Variants in PAAF1 observed in about 807,000 individuals in gnomAD.
PAAF1 encodes proteasomal ATPase associated factor 1.
A neutral mutation model predicts 52.8 loss-of-function variants in PAAF1; 46 were observed. The observed-to-expected ratio is 0.87, with a 90% confidence interval of 0.69 to 1.11. The LOEUF (loss-of-function observed/expected upper bound fraction) is 1.11. PAAF1 is among the 50% of genes most tolerant of loss of function. The pLI is 0.00. For synonymous variants in PAAF1, 178 were observed against 172.8 expected, an observed-to-expected ratio of 1.03 and a Z score of -0.24; for missense variants, 424 against 477.4, an observed-to-expected ratio of 0.89 and a Z score of 1.04.
At chr11:73,910,586 C>T (rs1036772812) in intron 7 of PAAF1, among the ~76,000 whole-genome samples, 1 of 152,158 alleles carries the variant, frequency 6.6e-6, no homozygotes, top group Non-Finnish European at 1.5e-5. Flanking sequence ...ATAATAGTTG[C>T]ATCTCTGTTC....
chr11:73,916,910 T>C (rs966732293), intron 9 of PAAF1, among the ~76,000 whole-genome samples: 2 of 152,000 alleles, frequency 1.3e-5, no homozygotes, highest in Non-Finnish European at 2.9e-5. Context: ...AAATATAAAC[T>C]AACATTTCAT....
chr11:73,917,238 C>T (rs889662491), intron 9 of PAAF1, among the ~76,000 whole-genome samples: 4 of 152,072 alleles, frequency 2.6e-5, no homozygotes, highest in African/African-American at 9.7e-5. Flanking sequence ...TCAGGCTGAT[C>T]TCGAATTCCT....
At chr11:73,913,987 CTG>C (rs1949999014) in intron 7 of PAAF1, among the ~76,000 whole-genome samples, 1 of 152,072 alleles carries the variant, frequency 6.6e-6, no homozygotes, top group South Asian at 2.1e-4. Context: ...GGATTCAAGA[CTG>C]TGGGGTGCTA....
chr11:73,904,715 A>G (rs1949714074), intron 6 of PAAF1, among the ~76,000 whole-genome samples: 1 of 152,106 alleles, frequency 6.6e-6, no homozygotes, highest in African/African-American at 2.4e-5. Context: ...GCAACATTAA[A>G]ACAGCTTAAT....
At chr11:73,912,708 T>G (rs2135208430) in intron 7 of PAAF1, among the ~76,000 whole-genome samples, 1 of 152,294 alleles carries the variant, frequency 6.6e-6, no homozygotes, top group South Asian at 2.1e-4. Flanking sequence ...ATAAATATGT[T>G]GAAATCCTAA....
intron 8 of PAAF1, among the ~76,000 whole-genome samples, chr11:73,914,859 C>A (rs1005554206): frequency 6.6e-6 from 1 of 151,892 alleles, no homozygotes; most frequent in African/African-American, 2.4e-5. Flanking sequence ...AAGCCCACCA[C>A]CATGCCTGGC....
rs185819755 is a variant in PAAF1, at chr11:73,920,454, C to T, written c.1018+1422C>T. ...GCTGAGGTGGGAGGATCACTTGAAT[C>T]TAGGAGGTGAGGCTGCAGTGAGCCA... On this transcript the variant is annotated intron_variant, in intron 10 of 11. Transcript: ENST00000310571. 1.2e-3 allele frequency among the ~76,000 whole-genome samples: 189 copies of T among 152,138 alleles called. No individual in the cohort carries two copies. The Middle Eastern group carries it at 0.017, about 14-fold the overall frequency.
intron 10 of PAAF1, among the ~76,000 whole-genome samples, chr11:73,920,705 T>C (rs189690610): frequency 6.7e-6 from 1 of 148,988 alleles, no homozygotes; most frequent in East Asian, 2.0e-4. Flanking sequence ...ATACAGAAAT[T>C]AGCTGGCATG....
In PAAF1 at chr11:73,930,391, A is replaced by T. The variant is rs1028954417; in HGVS notation, c.*3029A>T. 1 of 151,120 alleles carries T rather than the reference A, an allele frequency of 6.6e-6. No individual in the cohort carries two copies. Among genetic ancestry groups the T allele is most frequent in the African/African-American group, 2.4e-5 (1 of 41,094 alleles). 9.4% of individuals were successfully genotyped at this position (151,120 alleles called of 1,614,324 possible). ...TCTCAAGAAAAAAAAAAAGAAAAAA[A>T]GAAAACAGGAAGAAATGTTGTCATT... On this transcript the variant is annotated 3_prime_UTR_variant, in exon 12 of 12. Coordinates refer to ENST00000310571, the MANE Select transcript of PAAF1 (RefSeq NM_025155.3).
chr11:73,912,382 C>T (rs1032641367), intron 7 of PAAF1, among the ~76,000 whole-genome samples: 10 of 152,134 alleles, frequency 6.6e-5, no homozygotes, highest in African/African-American at 1.2e-4. Flanking sequence ...AAGATGGCAC[C>T]GCTATCTACC....
At chr11:73,884,457 T>C (rs977078566) in intron 2 of PAAF1, among the ~76,000 whole-genome samples, 1 of 152,126 alleles carries the variant, frequency 6.6e-6, no homozygotes, top group African/African-American at 2.4e-5. Context: ...ATCATACCAC[T>C]GCACTCCAGC....
intron 4 of PAAF1, among the ~76,000 whole-genome samples, chr11:73,894,810 C>T (rs1345928746): frequency 1.3e-5 from 2 of 152,052 alleles, no homozygotes; most frequent in Non-Finnish European, 2.9e-5. Flanking sequence ...TGTTACTGAG[C>T]AAGACTCTGT....
chr11:73,917,019 TA>T (rs1194970598), intron 9 of PAAF1, among the ~76,000 whole-genome samples: 1 of 152,106 alleles, frequency 6.6e-6, no homozygotes, highest in Non-Finnish European at 1.5e-5. Context: ...GAATTATTTT[TA>T]TTTATTTATT....
intron 10 of PAAF1, chr11:73,921,602 C>T (rs983045053): frequency 3.1e-6 from 2 of 644,100 alleles, no homozygotes; most frequent in South Asian, 1.4e-5. Context: ...ATTCGTATAT[C>T]TTGCTGGAAA....
intron 8 of PAAF1, among the ~76,000 whole-genome samples, chr11:73,915,565 G>A (rs7115579): frequency 0.026 from 3,950 of 152,250 alleles, 177 homozygotes; most frequent in African/African-American, 0.09. Flanking sequence ...CCAAGATTGC[G>A]CCACTGTACT....
chr11:73,902,417 T>A (rs1196467924), intron 6 of PAAF1, among the ~76,000 whole-genome samples: 1 of 152,084 alleles, frequency 6.6e-6, no homozygotes, highest in African/African-American at 2.4e-5. Flanking sequence ...GCCAAAGTAG[T>A]CTAGAGGAAC....
chr11:73,911,622 CT>C (rs781166373), intron 7 of PAAF1, among the ~76,000 whole-genome samples: 95 of 120,504 alleles, frequency 7.9e-4, no homozygotes, highest in East Asian at 1.7e-3. Context: ...AGTGACCTTC[CT>C]TTTTTTTTTT....
chr11:73,903,569 G>C (rs1485192598), intron 6 of PAAF1, among the ~76,000 whole-genome samples: 3 of 150,120 alleles, frequency 2.0e-5, no homozygotes, highest in African/African-American at 7.4e-5. Flanking sequence ...ATACAAAAAT[G>C]AGCTGGGTGT....
intron 2 of PAAF1, among the ~76,000 whole-genome samples, chr11:73,886,615 G>A (rs949120144): frequency 2.2e-5 from 3 of 139,262 alleles, no homozygotes; most frequent in South Asian, 4.7e-4. Context: ...GGAGATTCCA[G>A]TGAGCTGAGA....
Sources: allele counts gnomAD v4.1 joint callset (sites outside exome capture counted in the v4.1 genomes callset), GRCh38; gene constraint gnomAD v4.1.1; transcripts MANE v1.5; gene names NCBI Gene and HGNC (gene_info 2026-07-23, HGNC 2026-07-21).